Variants in ADGRF1 observed in about 807,000 individuals in gnomAD.
The protein encoded by ADGRF1 is G protein-coupled receptor 110.
A neutral mutation model predicts 87.2 loss-of-function variants in ADGRF1; 85 were observed. That is an observed-to-expected ratio of 0.97 (90% CI 0.82 to 1.17). The LOEUF is 1.17. Among genes scored for constraint, ADGRF1 ranks in the 50% most tolerant of loss-of-function variants. ADGRF1 has a pLI of 0.00. For synonymous variants in ADGRF1, 430 were observed against 408.8 expected (o/e 1.05, Z -0.63); for missense variants, 1,169 against 1,077.2 (o/e 1.09, Z -1.19).
chr6:47,017,725 T>C (rs999548811), intron 7 of ADGRF1: 1 of 151,028 alleles, frequency 6.6e-6, no homozygotes, highest in African/African-American at 2.4e-5. Context: ...ATTCTATTTA[T>C]GTGAAGTTCT....
At position 47,009,893 on chromosome 6, in the gene ADGRF1, G is replaced by GGAATAGTT. The variant is rs1225187255; in HGVS notation, c.1534_1541dup (p.Ile515ThrfsTer4). On this transcript the variant is annotated frameshift_variant, in exon 11 of 15. Transcript: ENST00000371253. LOFTEE classifies it high-confidence loss of function. The stretch of plus-strand genomic sequence containing the variant: ...AAAAAAATAGGAAAACTTCATTTAT[G>GGAATAGTT]GAATAGTTTTGAATAACCGTGGATA... The GGAATAGTT allele has an allele frequency of 1.9e-6, 3 of 1,613,904 alleles. No individual in the cohort carries two copies. The African/African-American group carries it at 4.0e-5, about 22-fold the overall frequency.
At chr6:47,011,610 T>A (rs1470266446) in intron 10 of ADGRF1, among the ~76,000 whole-genome samples, 1 of 152,222 alleles carries the variant, frequency 6.6e-6, no homozygotes. Context: ...TCTTTAAATA[T>A]CCAAACTAAA....
In ADGRF1 at chr6:47,022,038, T is replaced by A. The variant is rs1342605584; in HGVS notation, c.472A>T (p.Ile158Phe). 1 of 1,574,760 alleles carries A rather than the reference T, an allele frequency of 6.4e-7. No homozygotes were observed. The highest frequency in any genetic ancestry group is 1.4e-5 in the African/African-American group (1 of 72,660). ...ERTKIWGTFK[I>F]NERFTNDLLN... The stretch of plus-strand genomic sequence containing the variant: ...AGGTCATTTGTAAACCTTTCATTAA[T>A]TTTGAAAGTGCCCCAAATCTCTGTA... The change falls in exon 6 of 15, where the codon ATT becomes TTT. Residue 158 changes from isoleucine (I) to phenylalanine (F), a missense_variant. Physicochemically the swap from Ile to Phe is conservative, Grantham distance 21. Coordinates refer to ENST00000371253, the MANE Select transcript of ADGRF1 (RefSeq NM_153840.4).
intron 9 of ADGRF1, chr6:47,013,773 T>C (rs980881923): frequency 4.6e-6 from 2 of 433,220 alleles, no homozygotes; most frequent in Admixed American, 6.4e-5. Flanking sequence ...TGGTTTCTAA[T>C]GGTTTAGCAC....
At chr6:47,018,348 A>G in intron 7 of ADGRF1, 1 of 1,231,088 alleles carries the variant, frequency 8.1e-7, no homozygotes, top group African/African-American at 1.6e-5. Context: ...GCCCAATGAG[A>G]AGTTGGGTGA....
At position 47,009,037 on chromosome 6, in the gene ADGRF1, G is replaced by C. The variant is rs1466985795; in HGVS notation, c.2398C>G (p.Leu800Val). 2 of 1,614,030 alleles carry C rather than the reference G, an allele frequency of 1.2e-6. No individual in the cohort carries two copies. Among genetic ancestry groups the C allele is most frequent in the Admixed American group, 3.3e-5 (2 of 60,002 alleles). ...GKSLLILTPL[L>V]GLTWGFGIGT... The stretch of plus-strand genomic sequence containing the variant: ...ATTCCAAAGCCCCAGGTGAGCCCTA[G>C]CAGAGGGGTCAGAATGAGGAGGCTC... The change falls in exon 11 of 15, where the codon CTA (leucine) becomes GTA (valine). Residue 800 changes from leucine to valine, a missense_variant. Transcript: ENST00000371253.
chr6:47,023,939 T>C, intron 5 of ADGRF1, 105 bp downstream of exon 5: 1 of 1,020,672 alleles, frequency 9.8e-7, no homozygotes, highest in Non-Finnish European at 1.4e-6. Flanking sequence ...TCCCTCAATC[T>C]CCCTGTAAAC....
chr6:47,031,331 T>TTCTCTCTCTCTCTCTC (rs368788829), intron 1 of ADGRF1, among the ~76,000 whole-genome samples: 7 of 128,252 alleles, frequency 5.5e-5, no homozygotes, highest in African/African-American at 1.5e-4. Flanking sequence ...TCTCTCTCTC[T>TTCTCTCTCTCTCTCTC]TCTCTCTCTC....
At chr6:47,025,149 T>C (rs1383496649) in intron 4 of ADGRF1, among the ~76,000 whole-genome samples, 1 of 152,150 alleles carries the variant, frequency 6.6e-6, no homozygotes, top group Admixed American at 6.5e-5. Flanking sequence ...AGTCGTCTTT[T>C]TTTTTCTTTC....
chr6:47,020,712 A>C lies in ADGRF1; in HGVS notation c.611+19T>G, dbSNP rs745715664. The C allele has an allele frequency of 8.7e-6, 14 of 1,612,442 alleles. No homozygotes were observed. The highest frequency in any genetic ancestry group is 1.2e-5 in the Non-Finnish European group (14 of 1,178,454). On this transcript the variant is annotated intron_variant, in intron 7 of 14. Coordinates refer to ENST00000371253, the MANE Select transcript of ADGRF1 (RefSeq NM_153840.4). ...GCCCAATTCTGGGGATGCCCTTCTA[A>C]GACCATTGTGTTACTTACCGAAATT...
At chr6:47,034,355 T>C (rs1780526640) in intron 1 of ADGRF1, among the ~76,000 whole-genome samples, 1 of 152,252 alleles carries the variant, frequency 6.6e-6, no homozygotes, top group South Asian at 2.1e-4. Flanking sequence ...TCTTGTTTTC[T>C]CCTCAAACTG....
intron 9 of ADGRF1, 33 bp downstream of exon 9, chr6:47,014,648 C>A: frequency 6.3e-7 from 1 of 1,599,064 alleles, no homozygotes; most frequent in Non-Finnish European, 8.5e-7. Flanking sequence ...AAACTCAAGA[C>A]CAGGGCAAGT....
Position 47,005,799 on chromosome 6 carries a change from G to A in ADGRF1, c.2592+18C>T, listed in dbSNP as rs565938854. ...TGGAACTTCATGTATTGGATTCATG[G>A]CAGTAGGAGATAATTACCTTTTCTG... is the stretch of plus-strand genomic sequence containing the variant. On this transcript the variant is annotated intron_variant, in intron 13 of 14. Coordinates refer to ENST00000371253, the MANE Select transcript of ADGRF1 (RefSeq NM_153840.4). 3.1e-6 allele frequency: 5 copies of A among 1,591,064 alleles called. No homozygotes were observed. The South Asian group carries it at 3.3e-5, about 11-fold the overall frequency.
chr6:47,012,167 G>A lies in ADGRF1; in HGVS notation c.956C>T (p.Thr319Ile), dbSNP rs140121999. 6.2e-7 allele frequency: 1 copy of A among 1,613,600 alleles called. No individual in the cohort carries two copies. Among genetic ancestry groups the A allele is most frequent in the Non-Finnish European group, 8.5e-7 (1 of 1,179,652 alleles). Reference protein sequence around the residue: ...KNFSMIVGNATEAAVSSFVQN... With the variant: ...KNFSMIVGNAIEAAVSSFVQN... The stretch of plus-strand genomic sequence containing the variant: ...CACGAAGGATGACACAGCTGCCTCA[G>A]TGGCATTGCCTACAATCATACTGAA... Residue 319 changes from threonine (T) to isoleucine (I), a missense_variant, in exon 10 of 15, where the codon ACT becomes ATT. Coordinates refer to ENST00000371253, the MANE Select transcript of ADGRF1 (RefSeq NM_153840.4).
chr6:47,022,062 T>A lies in ADGRF1; in HGVS notation c.452-4A>T. ...ATTTTGAAAGTGCCCCAAATCTCTG[T>A]AGGAAATAAAAATAAGTTTATAGAC... On this transcript the variant is annotated splice_region_variant and splice_polypyrimidine_tract_variant and intron_variant, in intron 5 of 14. Transcript: ENST00000371253. The A allele has an allele frequency of 6.6e-7, 1 of 1,505,782 alleles. No individual in the cohort carries two copies. The highest frequency in any genetic ancestry group is 9.0e-7 in the Non-Finnish European group (1 of 1,106,984). The allele number at this position is 1,505,782 out of a possible 1,614,324, so 93.3% of individuals were successfully genotyped here.
rs753016407 is a variant in ADGRF1 at position 47,016,652 on chromosome 6, G to C, written c.728C>G (p.Pro243Arg). 2 of 1,610,404 alleles carry C rather than the reference G, an allele frequency of 1.2e-6. No individual in the cohort carries two copies. The highest frequency in any genetic ancestry group is 3.3e-5 in the Admixed American group (2 of 59,868). Residue 243 changes from proline to arginine, a missense_variant, in exon 8 of 15, where the codon CCA becomes CGA. Physicochemically the swap from Pro to Arg is moderately radical, Grantham distance 103 (BLOSUM62 -2). Transcript: ENST00000371253. ...CACTCTGAAAGAGCCGTCTTCTAAT[G>C]GAAACAGCTTGTGAAGGGCTGTCTT... ...KAKTALHKLF[P>R]LEDGSFRVFG...
chr6:47,039,367 C>T (rs1780673411), intron 1 of ADGRF1, among the ~76,000 whole-genome samples: 1 of 152,192 alleles, frequency 6.6e-6, no homozygotes, highest in African/African-American at 2.4e-5. Context: ...TTTATTTTAA[C>T]TCTATGAAAT....
chr6:47,020,470 CT>C, intron 7 of ADGRF1: 1 of 1,416,630 alleles, frequency 7.1e-7, no homozygotes, highest in Non-Finnish European at 9.5e-7. Flanking sequence ...TGCCATTGCA[CT>C]CCAACTTGGG....
chr6:47,018,712 G>A (rs1025876053), intron 7 of ADGRF1: 113 of 507,700 alleles, frequency 2.2e-4, no homozygotes, highest in African/African-American at 2.1e-3. Context: ...AGGAGTTCAA[G>A]ACCAGACTGG....
Sources: allele counts gnomAD v4.1 joint callset (sites outside exome capture counted in the v4.1 genomes callset), GRCh38; gene constraint gnomAD v4.1.1; transcripts MANE v1.5; gene names NCBI Gene and HGNC (gene_info 2026-07-23, HGNC 2026-07-21).